MAP3K8: variants seen among roughly 807,000 people sequenced by gnomAD.
MAP3K8 encodes the protein mitogen-activated protein kinase kinase kinase 8.
A neutral mutation model predicts 45.8 loss-of-function variants in MAP3K8; 22 were observed. The observed-to-expected ratio is 0.48, with a 90% CI of 0.34 to 0.69. The LOEUF (loss-of-function observed/expected upper bound fraction) is 0.69. Among genes scored for constraint, MAP3K8 ranks in the 30% least tolerant of loss-of-function variants. The probability of loss-of-function intolerance (pLI) is 0.01; values close to 1 mark genes in which losing one functional copy is unlikely to be tolerated. For synonymous variants in MAP3K8, 223 were observed against 214.3 expected, an observed-to-expected ratio of 1.04 and a Z score of -0.36; for missense variants, 419 against 585.0, an observed-to-expected ratio of 0.72 and a Z score of 2.93.
intron 8 of MAP3K8, 67 bp from the exon 9 acceptor site, chr10:30,460,639 G>A: frequency 7.5e-7 from 1 of 1,341,420 alleles, no homozygotes; most frequent in Middle Eastern, 2.2e-4. Context: ...TTTCACTGCA[G>A]AAGGAACAGG....
chr10:30,461,655 T>C lies in MAP3K8; in HGVS notation c.*819T>C, dbSNP rs1836943581. 5.4e-6 allele frequency: 1 copy of C among 185,200 alleles called. No homozygotes were observed. 11.5% of individuals were successfully genotyped at this position (185,200 alleles called of 1,614,324 possible). Reference sequence around the variant, plus strand: ...GCATTTGTATATTAAAATAGCATACTGTGTATGTTTTATATCAAATGCCTT... The same window carrying C: ...GCATTTGTATATTAAAATAGCATACCGTGTATGTTTTATATCAAATGCCTT... On this transcript the variant is annotated 3_prime_UTR_variant, in exon 9 of 9. Transcript: ENST00000263056.
At chr10:30,445,974 G>A (rs1466775884) in intron 3 of MAP3K8, among the ~76,000 whole-genome samples, 4 of 152,166 alleles carry the variant, frequency 2.6e-5, no homozygotes, top group African/African-American at 9.7e-5. Flanking sequence ...CCATGCATCT[G>A]CAGATGAATC....
In MAP3K8 at chr10:30,458,269, G is replaced by GGT. The variant is rs146674517; in HGVS notation, c.1026+34_1026+35insTG. 129 of 1,189,374 alleles carry GGT rather than the reference G, an allele frequency of 1.1e-4. 10 individuals are homozygous for GGT. The South Asian group carries it at 1.5e-3, about 14-fold the overall frequency. The allele number at this position is 1,189,374 out of a possible 1,614,324, so 73.7% of individuals were successfully genotyped here. A position where few individuals can be genotyped will look rare whatever the true frequency, so the allele number is the denominator to read the frequency against. ...GGGTTCAACCAGGGCTGGGGGCGGC[G>GGT]GGGGGGGGCGTTGAGTTATGCATCC... On this transcript the variant is annotated intron_variant, in intron 7 of 8. Transcript: ENST00000263056.
At position 30,437,259 on chromosome 10, in the gene MAP3K8, C is replaced by T. The variant is rs1264050212; in HGVS notation, c.-171C>T. On this transcript the variant is annotated 5_prime_UTR_variant, in exon 2 of 9. Transcript: ENST00000263056. ...ATAAGAAAGGAAGCTAACGCAGTATCTGCAAAGCCAGGAGTCTGACTCAGT... is the reference window on the plus strand; with the variant it reads ...ATAAGAAAGGAAGCTAACGCAGTATTTGCAAAGCCAGGAGTCTGACTCAGT... 3 of 985,266 alleles carry T rather than the reference C, an allele frequency of 3.0e-6. No homozygotes were observed. The highest frequency in any genetic ancestry group is 6.1e-5 in the Admixed American group (1 of 16,262). The allele number at this position is 985,266 out of a possible 1,614,324, so 61.0% of individuals were successfully genotyped here. A position where few individuals can be genotyped will look rare whatever the true frequency, so the allele number is the denominator to read the frequency against.
At position 30,460,873 on chromosome 10, in the gene MAP3K8, A is replaced by T. The variant is rs76259773; in HGVS notation, c.*37A>T. 3.5e-3 allele frequency: 5,607 copies of T among 1,609,752 alleles called. 106 individuals carry two copies. In the African/African-American group the frequency reaches 0.041, roughly 12 times the overall value. On this transcript the variant is annotated 3_prime_UTR_variant, in exon 9 of 9. Transcript: ENST00000263056. ...TTTGCTCTAAATTAAGACAGCATTG[A>T]TCTCCTGGAGGCTGGTTCTGCTGCC...
chr10:30,459,417 C>T lies in MAP3K8; in HGVS notation c.1189C>T (p.Arg397Cys), dbSNP rs769894329. 17 of 1,614,172 alleles carry T rather than the reference C, an allele frequency of 1.1e-5. No homozygotes were observed. Among genetic ancestry groups the T allele is most frequent in the Non-Finnish European group, 1.3e-5 (15 of 1,180,026 alleles). ...GAACCCGCCCAGAGAGGATCAGCCA[C>T]GCTGTCAGAGTCTGGACTCTGCCCT... Reference protein sequence around the residue: ...ALNPPREDQPRCQSLDSALLE... With the variant: ...ALNPPREDQPCCQSLDSALLE... Residue 397 changes from arginine to cysteine, a missense_variant, in exon 8 of 9, where the codon CGC (arginine) becomes TGC (cysteine). By Grantham distance (180) the Arg-to-Cys change is radical. Transcript: ENST00000263056.
chr10:30,434,031 C>G (rs895835024), upstream of MAP3K8: 1 of 152,868 alleles, frequency 6.5e-6, no homozygotes, highest in South Asian at 2.1e-4. Flanking sequence ...ACCCTGCAAC[C>G]GGGCAGTCTC....
intron 3 of MAP3K8, among the ~76,000 whole-genome samples, chr10:30,445,100 C>T (rs1260124944): frequency 2.0e-5 from 3 of 152,100 alleles, no homozygotes; most frequent in Non-Finnish European, 4.4e-5. Context: ...GACACTGGTT[C>T]GAGGTGGGTT....
intron 3 of MAP3K8, among the ~76,000 whole-genome samples, chr10:30,440,869 C>A (rs191577927): frequency 1.5e-3 from 222 of 151,938 alleles, no homozygotes; most frequent in Middle Eastern, 3.4e-3. Context: ...AGAAAAAAAA[C>A]CAAAGTATTC....
At chr10:30,456,828 G>A (rs895265958) in intron 6 of MAP3K8, among the ~76,000 whole-genome samples, 11 of 152,046 alleles carry the variant, frequency 7.2e-5, no homozygotes, top group Admixed American at 3.9e-4. Context: ...GCTCACGCCT[G>A]TAATCCCCAC....
At chr10:30,455,399 T>G (rs1836699058) in intron 6 of MAP3K8, among the ~76,000 whole-genome samples, 1 of 152,242 alleles carries the variant, frequency 6.6e-6, no homozygotes, top group African/African-American at 2.4e-5. Flanking sequence ...TTCTGATTTC[T>G]GCAGTATAGC....
rs777682936 is a variant in MAP3K8 at position 30,438,977 on chromosome 10, G to T, written c.39G>T (p.Glu13Asp). The T allele has an allele frequency of 6.2e-7, 1 of 1,611,840 alleles. No homozygotes were observed. Among genetic ancestry groups the T allele is most frequent in the African/African-American group, 1.3e-5 (1 of 74,868 alleles). Residue 13 changes from glutamate (E) to aspartate (D), a missense_variant, in exon 3 of 9, where the codon GAG becomes GAT. Coordinates refer to ENST00000263056, the MANE Select transcript of MAP3K8 (RefSeq NM_005204.4). ...YMSTGSDNKE[E>D]IDLLIKHLNV... ...GCACTGGAAGTGACAATAAAGAAGA[G>T]ATTGATTTATTAATTAAACATTTAA...
intron 1 of MAP3K8, chr10:30,434,729 C>G (rs968243623): frequency 1.0e-6 from 1 of 985,446 alleles, no homozygotes; most frequent in African/African-American, 1.7e-5. Flanking sequence ...GACGGCCGCA[C>G]TCTCCCTGCC....
At chr10:30,435,370 T>A (rs961349372) in intron 1 of MAP3K8, among the ~76,000 whole-genome samples, 1 of 152,128 alleles carries the variant, frequency 6.6e-6, no homozygotes, top group African/African-American at 2.4e-5. Flanking sequence ...CCATGAGGAC[T>A]TTGTCGTGTA....
chr10:30,448,078 A>G, intron 4 of MAP3K8, 129 bp downstream of exon 4: 1 of 772,258 alleles, frequency 1.3e-6, no homozygotes, highest in East Asian at 2.7e-5. Flanking sequence ...CACTGCCTCA[A>G]AGCATTTGTT....
intron 3 of MAP3K8, among the ~76,000 whole-genome samples, chr10:30,446,639 G>T (rs760267935): frequency 1.3e-5 from 2 of 151,920 alleles, no homozygotes; most frequent in Non-Finnish European, 2.9e-5. Context: ...GTACTGAGGC[G>T]ATTTATCCCT....
intron 4 of MAP3K8, 134 bp downstream of exon 4, chr10:30,448,083 T>C (rs1358483552): frequency 1.3e-5 from 10 of 749,220 alleles, no homozygotes; most frequent in Non-Finnish European, 2.1e-5. Flanking sequence ...CCTCAAAGCA[T>C]TTGTTTTTCT....
chr10:30,446,869 G>A (rs566485032), intron 3 of MAP3K8, among the ~76,000 whole-genome samples: 1 of 152,204 alleles, frequency 6.6e-6, no homozygotes, highest in Non-Finnish European at 1.5e-5. Context: ...ATTGCTGTCA[G>A]AATAGACCTC....
chr10:30,459,556 A>C lies in MAP3K8; in HGVS notation c.1273+55A>C, dbSNP rs1168513116. 9 of 1,598,664 alleles carry C rather than the reference A, an allele frequency of 5.6e-6. No individual in the cohort carries two copies. In the Admixed American group the frequency reaches 1.0e-4, roughly 18 times the overall value. ...TTACTTCCCTTCTCTTTCTGTCCAC[A>C]TCAAACCTCTGATGTAGTTCATGAA... On this transcript the variant is annotated intron_variant, in intron 8 of 8. Transcript: ENST00000263056.
Sources: allele counts gnomAD v4.1 joint callset (sites outside exome capture counted in the v4.1 genomes callset), GRCh38; gene constraint gnomAD v4.1.1; transcripts MANE v1.5; gene names NCBI Gene and HGNC (gene_info 2026-07-23, HGNC 2026-07-21).